Variants in PSEN1 observed in about 807,000 individuals in gnomAD.
The protein encoded by PSEN1 is presenilin 1, also known as presenilin-1.
A neutral mutation model predicts 53.5 loss-of-function variants in PSEN1; 15 were observed. The observed-to-expected ratio is 0.28, with a 90% CI of 0.19 to 0.43. The LOEUF is 0.43. Ranked by LOEUF, PSEN1 falls within the 20% of genes least tolerant of loss-of-function variation. The probability of loss-of-function intolerance (pLI) is 1.00; values close to 1 mark genes in which losing one functional copy is unlikely to be tolerated. For synonymous variants in PSEN1, 208 were observed against 209.8 expected (o/e 0.99, Z 0.08); for missense variants, 387 against 571.2 (o/e 0.68, Z 3.29).
intron 3 of PSEN1, among the ~76,000 whole-genome samples, chr14:73,164,630 A>G (rs1294414625): frequency 1.3e-5 from 2 of 152,058 alleles, no homozygotes; most frequent in African/African-American, 2.4e-5. Flanking sequence ...ATCACACTAT[A>G]TAGAAGAGAA....
Position 73,144,035 on chromosome 14 carries a change from C to CTT in PSEN1, c.-135-3738_-135-3737dup, listed in dbSNP as rs766901431. Among the ~76,000 whole-genome samples the CTT allele has an allele frequency of 1.5e-3, 89 of 59,494 alleles. 3 individuals carry two copies. Among genetic ancestry groups the CTT allele is most frequent in the South Asian group, 4.0e-3 (5 of 1,236 alleles). The allele number at this position is 59,494 out of a possible 152,430, so 39.0% of individuals were successfully genotyped here. On this transcript the variant is annotated intron_variant, in intron 1 of 11. Coordinates refer to ENST00000324501, the MANE Select transcript of PSEN1 (RefSeq NM_000021.4). ...AAAAAAGATTTGCATTATAGCTTAT[C>CTT]TTTTTTTTTTTTTTTTTTTTTTTGA...
chr14:73,212,455 C>G (rs1036889843), intron 10 of PSEN1, among the ~76,000 whole-genome samples: 2 of 152,046 alleles, frequency 1.3e-5, no homozygotes, highest in African/African-American at 2.4e-5. Context: ...GACCTTTTGG[C>G]ATTTATTTTA....
chr14:73,212,341 C>T (rs1411771122), intron 10 of PSEN1, among the ~76,000 whole-genome samples: 2 of 151,886 alleles, frequency 1.3e-5, no homozygotes, highest in Admixed American at 1.3e-4. Context: ...GAACTCCTGA[C>T]ATCATGATCT....
In PSEN1 at chr14:73,198,104, G is replaced by A. The variant is rs186495252; in HGVS notation, c.843G>A (p.Thr281=). The change falls in exon 8 of 12, where the codon ACG becomes ACA. Residue 281 remains threonine (T), a synonymous_variant. Coordinates refer to ENST00000324501, the MANE Select transcript of PSEN1 (RefSeq NM_000021.4). ...AAACAGCTCAGGAGAGAAATGAAAC[G>A]CTTTTTCCAGCTCTCATTTACTCCT... ...LVETAQERNE[T]LFPALIYSST... 1.7e-5 allele frequency: 28 copies of A among 1,608,112 alleles called. No homozygotes were observed. The highest frequency in any genetic ancestry group is 4.0e-5 in the African/African-American group (3 of 74,790).
At position 73,222,629 on chromosome 14, in the gene PSEN1, G is replaced by A. The variant is rs1256490004; in HGVS notation, c.*3340G>A. On this transcript the variant is annotated 3_prime_UTR_variant, in exon 12 of 12. Transcript: ENST00000324501. Reference sequence around the variant, plus strand: ...GTTCCCGTAGGTTCTGGAGTCTGAGGATGCAAAGATGAATAAGATAAATTC... The same window carrying A: ...GTTCCCGTAGGTTCTGGAGTCTGAGAATGCAAAGATGAATAAGATAAATTC... The A allele has an allele frequency of 2.0e-5, 3 of 152,202 alleles. No homozygotes were observed. The highest frequency in any genetic ancestry group is 7.2e-5 in the African/African-American group (3 of 41,452). 9.4% of individuals were successfully genotyped at this position (152,202 alleles called of 1,614,324 possible). A position where few individuals can be genotyped will look rare whatever the true frequency, so the allele number is the denominator to read the frequency against.
At chr14:73,206,531 A>G (rs747050462) in intron 9 of PSEN1, 59 bp downstream of exon 9, 1 of 1,161,428 alleles carries the variant, frequency 8.6e-7, no homozygotes, top group Non-Finnish European at 1.3e-6. Flanking sequence ...ATAAGCTAAC[A>G]GTATAGCAAT....
intron 1 of PSEN1, among the ~76,000 whole-genome samples, chr14:73,140,823 A>G (rs1896904913): frequency 6.6e-6 from 1 of 152,200 alleles, no homozygotes; most frequent in South Asian, 2.1e-4. Flanking sequence ...TTATTTAAAA[A>G]CAAGTTGCTA....
At chr14:73,205,217 C>A (rs1456221374) in intron 8 of PSEN1, among the ~76,000 whole-genome samples, 1 of 152,052 alleles carries the variant, frequency 6.6e-6, no homozygotes, top group Non-Finnish European at 1.5e-5. Flanking sequence ...TGGCTCACGC[C>A]TGTAATCCCA....
intron 5 of PSEN1, 66 bp from the exon 6 acceptor site, chr14:73,186,783 GAAAA>G (rs575947856): frequency 4.6e-6 from 6 of 1,305,068 alleles, no homozygotes; most frequent in Non-Finnish European, 6.6e-6. Flanking sequence ...TCTCAAAAAA[GAAAA>G]AAAAAATCTG....
intron 7 of PSEN1, among the ~76,000 whole-genome samples, chr14:73,197,100 T>C (rs1296372163): frequency 6.6e-5 from 10 of 151,904 alleles, no homozygotes; most frequent in Admixed American, 6.6e-4. Flanking sequence ...ACCCAGCTAA[T>C]TTTTTGTATT....
intron 3 of PSEN1, among the ~76,000 whole-genome samples, chr14:73,152,860 C>T (rs1188934759): frequency 3.3e-5 from 5 of 152,086 alleles, no homozygotes; most frequent in Non-Finnish European, 5.9e-5. Context: ...CTGGCCATCA[C>T]GGTGAAACCC....
rs1900110406 is a variant in PSEN1 at position 73,221,096 on chromosome 14, A to T, written c.*1807A>T. The T allele has an allele frequency of 6.6e-6, 1 of 152,206 alleles. No homozygotes were observed. Among genetic ancestry groups the T allele is most frequent in the Non-Finnish European group, 1.5e-5 (1 of 68,034 alleles). 9.4% of individuals were successfully genotyped at this position (152,206 alleles called of 1,614,324 possible). On this transcript the variant is annotated 3_prime_UTR_variant, in exon 12 of 12. Transcript: ENST00000324501. ...ATATTTCTTATAAGAACCTAACTTC[A>T]AGAGTAGTGTGCGAGTACTGATCTG...
At chr14:73,163,997 C>T (rs1468221416) in intron 3 of PSEN1, among the ~76,000 whole-genome samples, 2 of 151,146 alleles carry the variant, frequency 1.3e-5, no homozygotes, top group Non-Finnish European at 2.9e-5. Flanking sequence ...GCAGAAAGAC[C>T]AATTGGAAGC....
intron 8 of PSEN1, among the ~76,000 whole-genome samples, chr14:73,204,504 T>G (rs550426619): frequency 6.7e-6 from 1 of 148,572 alleles, no homozygotes; most frequent in African/African-American, 2.5e-5. Context: ...GTACAGCTTA[T>G]AAGCTAAAAA....
intron 9 of PSEN1, among the ~76,000 whole-genome samples, chr14:73,209,071 C>T (rs566830634): frequency 6.6e-6 from 1 of 152,264 alleles, no homozygotes; most frequent in Non-Finnish European, 1.5e-5. Flanking sequence ...TCAGCCACAA[C>T]TTTGCTCTGA....
rs188499568 is a variant in PSEN1, at chr14:73,151,512, C to T, written c.87+3406C>T. 4.2e-3 allele frequency among the ~76,000 whole-genome samples: 646 copies of T among 152,128 alleles called. 3 individuals are homozygous for T. Among genetic ancestry groups the T allele is most frequent in the African/African-American group, 0.015 (605 of 41,512 alleles). On this transcript the variant is annotated intron_variant, in intron 3 of 11. Coordinates refer to ENST00000324501, the MANE Select transcript of PSEN1 (RefSeq NM_000021.4). Reference sequence around the variant, plus strand: ...AAAGCATGGGTGATCTTGGTGATTTCCCCCTTTCATTTTCTAAATGTTCTA... The same window carrying T: ...AAAGCATGGGTGATCTTGGTGATTTTCCCCTTTCATTTTCTAAATGTTCTA...
At position 73,170,942 on chromosome 14, in the gene PSEN1, G is replaced by T; in HGVS notation, c.233G>T (p.Gly78Val). 1 of 1,614,202 alleles carries T rather than the reference G, an allele frequency of 6.2e-7. No homozygotes were observed. The highest frequency in any genetic ancestry group is 8.5e-7 in the Non-Finnish European group (1 of 1,180,040). ...GATGAGGAGCTGACATTGAAATATG[G>T]CGCCAAGCATGTGATCATGCTCTTT... ...EEDEELTLKYGAKHVIMLFVP... is the reference protein window; with the variant it reads ...EEDEELTLKYVAKHVIMLFVP... Residue 78 changes from glycine to valine, a missense_variant, in exon 4 of 12, where the codon GGC becomes GTC. Coordinates refer to ENST00000324501, the MANE Select transcript of PSEN1 (RefSeq NM_000021.4).
At chr14:73,216,331 A>C (rs1285138506) in intron 10 of PSEN1, among the ~76,000 whole-genome samples, 1 of 152,220 alleles carries the variant, frequency 6.6e-6, no homozygotes, top group East Asian at 1.9e-4. Context: ...GGCAATGGAC[A>C]TGTGGATTGT....
Position 73,158,169 on chromosome 14 carries a change from C to T in PSEN1, c.87+10063C>T, listed in dbSNP as rs114004599. On this transcript the variant is annotated intron_variant, in intron 3 of 11. Coordinates refer to ENST00000324501, the MANE Select transcript of PSEN1 (RefSeq NM_000021.4). ...GAAGCATTACAGATAGTGGCTGTTA[C>T]GGATATTCATGTACAGATCTTTCTT... 5.1e-3 allele frequency among the ~76,000 whole-genome samples: 782 copies of T among 152,124 alleles called. 4 individuals carry two copies. Among genetic ancestry groups the T allele is most frequent in the African/African-American group, 0.018 (744 of 41,474 alleles).
Sources: gnomAD v4.1 joint callset for allele counts (sites outside exome capture counted in the v4.1 genomes callset) on GRCh38, gnomAD v4.1.1 for gene constraint, MANE v1.5 for transcripts, NCBI Gene and HGNC (gene_info 2026-07-23, HGNC 2026-07-21) for gene names.